NEK7: variants seen among roughly 807,000 people sequenced by gnomAD.
NEK7 encodes serine/threonine-protein kinase Nek7.
In NEK7, 18 loss-of-function variants were observed where a neutral mutation model predicts 44.6. The ratio of observed to expected loss-of-function variants is 0.40; its 90% CI spans 0.28 to 0.60. The LOEUF (loss-of-function observed/expected upper bound fraction) is 0.60, where lower values mean the gene tolerates loss of function less well. Ranked by LOEUF, NEK7 falls within the 20% of genes least tolerant of loss-of-function variation. The probability of loss-of-function intolerance (pLI) is 0.38; values close to 1 mark genes in which losing one functional copy is unlikely to be tolerated. For synonymous variants in NEK7, 130 were observed against 121.1 expected (o/e 1.07, Z -0.48); for missense variants, 256 against 366.5 (o/e 0.70, Z 2.46).
intron 1 of NEK7, among the ~76,000 whole-genome samples, chr1:198,177,858 A>G (rs1374349917): frequency 2.0e-5 from 3 of 152,096 alleles, no homozygotes; most frequent in Admixed American, 1.3e-4. Context: ...TGGAATTAAG[A>G]TAAGAAAAGA....
intron 1 of NEK7, among the ~76,000 whole-genome samples, chr1:198,207,507 C>G (rs1665632567): frequency 6.6e-6 from 1 of 152,098 alleles, no homozygotes; most frequent in African/African-American, 2.4e-5. Context: ...TACGTCCATT[C>G]AATGGAGTAG....
At chr1:198,223,276 A>G (rs1666121391) in intron 1 of NEK7, among the ~76,000 whole-genome samples, 2 of 152,348 alleles carry the variant, frequency 1.3e-5, no homozygotes, top group South Asian at 4.1e-4. Flanking sequence ...AGACATGATG[A>G]TAACTTGTAG....
chr1:198,169,736 G>A (rs1664380341), intron 1 of NEK7, among the ~76,000 whole-genome samples: 1 of 151,978 alleles, frequency 6.6e-6, no homozygotes, highest in South Asian at 2.1e-4. Flanking sequence ...CCCTGCTCAA[G>A]TACTATACAA....
chr1:198,219,968 T>TAA (rs35273681), intron 1 of NEK7, among the ~76,000 whole-genome samples: 48,059 of 146,512 alleles, frequency 0.33, 9,184 homozygotes, highest in East Asian at 0.8. Context: ...TGAGACACTG[T>TAA]AAACTTTGCT....
At chr1:198,264,373 TAGTAGATGGTTAGTG>T (rs1653581121) in intron 5 of NEK7, 138 bp downstream of exon 5, 3 of 445,798 alleles carry the variant, frequency 6.7e-6, no homozygotes, top group Admixed American at 5.5e-5. Flanking sequence ...ATGTAACAAA[TAGTAGATGGTTAGTG>T]ATCATAATTC....
chr1:198,258,246 C>T (rs571001296), intron 3 of NEK7, among the ~76,000 whole-genome samples: 1 of 152,146 alleles, frequency 6.6e-6, no homozygotes, highest in African/African-American at 2.4e-5. Flanking sequence ...CAAGACCATC[C>T]TGGCCAACAT....
At chr1:198,272,388 A>C (rs1653880903) in intron 5 of NEK7, among the ~76,000 whole-genome samples, 2 of 151,866 alleles carry the variant, frequency 1.3e-5, no homozygotes, top group South Asian at 2.1e-4. Context: ...AGTAAAGATA[A>C]GGGATACAGA....
chr1:198,233,021 C>T (rs569070231), intron 2 of NEK7, among the ~76,000 whole-genome samples: 1 of 151,200 alleles, frequency 6.6e-6, no homozygotes, highest in Admixed American at 6.6e-5. Context: ...AAAAAGGCAG[C>T]TTTAGCTTTT....
chr1:198,218,271 T>A (rs1665984200), intron 1 of NEK7, among the ~76,000 whole-genome samples: 1 of 151,768 alleles, frequency 6.6e-6, no homozygotes, highest in Non-Finnish European at 1.5e-5. Flanking sequence ...AGACAGACAC[T>A]TAAAACTAAC....
At chr1:198,239,261 A>G (rs773995940) in intron 2 of NEK7, among the ~76,000 whole-genome samples, 3 of 152,156 alleles carry the variant, frequency 2.0e-5, no homozygotes, top group East Asian at 3.8e-4. Context: ...ATTGCTTTAT[A>G]TAACTTCAGA....
intron 9 of NEK7, among the ~76,000 whole-genome samples, chr1:198,313,336 T>C (rs889233732): frequency 1.3e-5 from 2 of 151,760 alleles, no homozygotes; most frequent in African/African-American, 4.8e-5. Flanking sequence ...TGTGTGTCTC[T>C]GCATGTGAGA....
chr1:198,311,341 A>T (rs1301948972), intron 9 of NEK7, among the ~76,000 whole-genome samples: 1 of 152,134 alleles, frequency 6.6e-6, no homozygotes, highest in Non-Finnish European at 1.5e-5. Context: ...TTTTGGCCTG[A>T]GACATTGGGT....
chr1:198,306,760 A>T lies in NEK7; in HGVS notation c.798+9520A>T, dbSNP rs139074962. ...CATAAAACTTAGTCTGTGGTTGTTT[A>T]TAACACAAAAGTAGGTTACTTGTGA... On this transcript the variant is annotated intron_variant, in intron 9 of 9. Coordinates refer to ENST00000367385, the MANE Select transcript of NEK7 (RefSeq NM_133494.3). 5.9e-5 allele frequency among the ~76,000 whole-genome samples: 9 copies of T among 152,292 alleles called. No homozygotes were observed. In the East Asian group the frequency reaches 1.7e-3, roughly 29 times the overall value.
At chr1:198,252,569 A>ATAT (rs1558079353) in intron 2 of NEK7, among the ~76,000 whole-genome samples, 227 of 20,986 alleles carry the variant, frequency 0.011, 2 homozygotes, top group Non-Finnish European at 0.015. Flanking sequence ...TATATATATA[A>ATAT]AAAGTACATA....
chr1:198,311,649 G>C (rs181284657), intron 9 of NEK7, among the ~76,000 whole-genome samples: 2 of 151,680 alleles, frequency 1.3e-5, no homozygotes, highest in African/African-American at 4.9e-5. Context: ...TAGCATGAAG[G>C]GTTATTGAAT....
At chr1:198,183,093 A>G (rs1459444750) in intron 1 of NEK7, among the ~76,000 whole-genome samples, 2 of 152,192 alleles carry the variant, frequency 1.3e-5, no homozygotes, top group Non-Finnish European at 1.5e-5. Flanking sequence ...TAAGTGGGGC[A>G]TGAGGTTCTG....
intron 7 of NEK7, among the ~76,000 whole-genome samples, chr1:198,284,147 C>T (rs987773059): frequency 2.0e-5 from 3 of 152,128 alleles, no homozygotes; most frequent in African/African-American, 4.8e-5. Context: ...GAGCTATGCA[C>T]ATGAGCTGTT....
At chr1:198,311,648 G>A (rs1655187251) in intron 9 of NEK7, among the ~76,000 whole-genome samples, 2 of 152,118 alleles carry the variant, frequency 1.3e-5, no homozygotes, top group South Asian at 4.1e-4. Flanking sequence ...TTAGCATGAA[G>A]GGTTATTGAA....
chr1:198,300,033 T>G (rs1654838187), intron 9 of NEK7, among the ~76,000 whole-genome samples: 1 of 152,200 alleles, frequency 6.6e-6, no homozygotes, highest in Non-Finnish European at 1.5e-5. Flanking sequence ...CAGCTACACA[T>G]AAGTGATATT....
Sources: gnomAD v4.1 joint callset for allele counts (sites outside exome capture counted in the v4.1 genomes callset) on GRCh38, gnomAD v4.1.1 for gene constraint, MANE v1.5 for transcripts, NCBI Gene and HGNC (gene_info 2026-07-23, HGNC 2026-07-21) for gene names.